The following SLC8A2 variants were observed in gnomAD, a reference collection of about 807,000 sequenced individuals.
SLC8A2 encodes the protein solute carrier family 8 member A2, also known as sodium/calcium exchanger 2.
A neutral mutation model predicts 70.2 loss-of-function variants in SLC8A2; 14 were observed. That is an observed-to-expected ratio of 0.20 (90% CI 0.13 to 0.31). The LOEUF is 0.31. Among genes scored for constraint, SLC8A2 ranks in the 10% least tolerant of loss-of-function variants. The probability of loss-of-function intolerance (pLI) is 1.00; values close to 1 mark genes in which losing one functional copy is unlikely to be tolerated. For missense variants in SLC8A2, 779 were observed against 1,320.1 expected (o/e 0.59, Z 6.35); for synonymous variants, 575 against 594.3 (o/e 0.97, Z 0.47).
At chr19:47,459,098 T>G (rs1967355810) in intron 2 of SLC8A2, among the ~76,000 whole-genome samples, 1 of 151,300 alleles carries the variant, frequency 6.6e-6, no homozygotes, top group African/African-American at 2.4e-5. Context: ...CCTCTGCCTC[T>G]CCCCATCTCT....
chr19:47,441,469 C>CA, intron 4 of SLC8A2, 29 bp from the exon 5 acceptor site: 1 of 1,413,702 alleles, frequency 7.1e-7, no homozygotes, highest in African/African-American at 1.4e-5. Flanking sequence ...GGAGGCAGAA[C>CA]ACTCAGTGTA....
intron 1 of SLC8A2, among the ~76,000 whole-genome samples, chr19:47,470,689 G>A (rs1416848408): frequency 1.3e-5 from 2 of 152,238 alleles, no homozygotes; most frequent in African/African-American, 2.4e-5. Flanking sequence ...ATGGAAGTGA[G>A]ACGGCAGGAA....
chr19:47,452,437 AGAGAGAGAGTGTGT>A lies in SLC8A2; in HGVS notation c.1341-4220_1341-4207del, dbSNP rs1242670799. Among the ~76,000 whole-genome samples the A allele has an allele frequency of 1.9e-3, 165 of 87,234 alleles. 1 individual carries two copies. Among genetic ancestry groups the A allele is most frequent in the East Asian group, 6.3e-3 (19 of 3,040 alleles). 57.2% of individuals were successfully genotyped at this position (87,234 alleles called of 152,430 possible). On this transcript the variant is annotated intron_variant, in intron 3 of 9. Coordinates refer to ENST00000236877, the MANE Select transcript of SLC8A2 (RefSeq NM_015063.3). The stretch of plus-strand genomic sequence containing the variant: ...GAGAGAGAGAGAGAGAGAGAGAGAG[AGAGAGAGAGTGTGT>A]GTGTGTGTGTGTGTGTGTGTGTGTG...
intron 3 of SLC8A2, among the ~76,000 whole-genome samples, chr19:47,451,577 G>T (rs1412952252): frequency 1.3e-5 from 2 of 152,338 alleles, no homozygotes; most frequent in East Asian, 3.9e-4. Flanking sequence ...CCAAAGTGCT[G>T]GGATTGCAGG....
chr19:47,460,188 T>C (rs1028760060), intron 2 of SLC8A2, among the ~76,000 whole-genome samples: 1 of 152,196 alleles, frequency 6.6e-6, no homozygotes, highest in Admixed American at 6.5e-5. Context: ...GCTGTGTCTC[T>C]AACAGAGACA....
chr19:47,437,403 T>A, intron 8 of SLC8A2, 59 bp downstream of exon 8: 1 of 1,201,762 alleles, frequency 8.3e-7, no homozygotes, highest in Non-Finnish European at 1.2e-6. Flanking sequence ...TTTCTCCCCC[T>A]TTCCCTGTGT....
chr19:47,456,758 C>T (rs896896628), intron 3 of SLC8A2, among the ~76,000 whole-genome samples, 172 bp downstream of exon 3: 17 of 152,196 alleles, frequency 1.1e-4, no homozygotes, highest in African/African-American at 3.1e-4. Context: ...GTGTGCCCCA[C>T]GTCTAGAGCA....
rs374939563 is a variant in SLC8A2 at position 47,437,801 on chromosome 19, G to A, written c.2010+48C>T. ...CCCCGCTTTCCGGACCCTCCCCAAG[G>A]AAATGAACCAGGCTGGACTCCAGGA... is the stretch of plus-strand genomic sequence containing the variant. On this transcript the variant is annotated intron_variant, in intron 7 of 9. Transcript: ENST00000236877. The A allele has an allele frequency of 7.4e-6, 12 of 1,611,442 alleles. No individual in the cohort carries two copies. The East Asian group carries it at 1.1e-4, about 15-fold the overall frequency.
chr19:47,458,399 T>G lies in SLC8A2; in HGVS notation c.676-805A>C, dbSNP rs138029621. 4.2e-4 allele frequency among the ~76,000 whole-genome samples: 61 copies of G among 146,774 alleles called. No individual in the cohort carries two copies. The South Asian group carries it at 4.7e-3, about 11-fold the overall frequency. Reference sequence around the variant, plus strand: ...CCCCACCTCTTTCTGTCTCTCTTCATGTCTGCCTTTCCCCATCTCTCTCCC... The same window carrying G: ...CCCCACCTCTTTCTGTCTCTCTTCAGGTCTGCCTTTCCCCATCTCTCTCCC... On this transcript the variant is annotated intron_variant, in intron 2 of 9. Transcript: ENST00000236877.
At position 47,448,131 on chromosome 19, in the gene SLC8A2, G is replaced by A; in HGVS notation, c.1441C>T (p.Arg481Trp). Residue 481 changes from arginine to tryptophan, a missense_variant, in exon 4 of 10, where the codon CGG (arginine) becomes TGG (tryptophan). Arg to Trp is a moderately radical substitution (Grantham distance 101, BLOSUM62 -3). Around this residue, in one of 6 missense-constraint regions of SLC8A2, gnomAD observed 247 missense variants for 362.8 expected, o/e 0.68. Coordinates refer to ENST00000236877, the MANE Select transcript of SLC8A2 (RefSeq NM_015063.3). The surrounding 1 kb of genome is among the most constrained non-coding windows in gnomAD (Gnocchi z 4.8). ...TCGCCCACGCGCAGGTTCAGCAGCC[G>A]CACGAAGAAATGCTCGTCCTCCTCG... ...IFEEDEHFFV[R>W]LLNLRVGDAQ... 6.2e-7 allele frequency: 1 copy of A among 1,612,656 alleles called. No homozygotes were observed. The highest frequency in any genetic ancestry group is 8.5e-7 in the Non-Finnish European group (1 of 1,179,660).
chr19:47,447,245 C>T lies in SLC8A2; in HGVS notation c.1763+564G>A, dbSNP rs1466716551. Reference sequence around the variant, plus strand: ...TCCAAACCCAGACCCCACCTATCGCCCTGGACCCGCCCCCTCTCCACAGCC... The same window carrying T: ...TCCAAACCCAGACCCCACCTATCGCTCTGGACCCGCCCCCTCTCCACAGCC... On this transcript the variant is annotated intron_variant, in intron 4 of 9. Coordinates refer to ENST00000236877, the MANE Select transcript of SLC8A2 (RefSeq NM_015063.3). The surrounding 1 kb of genome is among the most constrained non-coding windows in gnomAD (Gnocchi z 5.1). 6.6e-6 allele frequency among the ~76,000 whole-genome samples: 1 copy of T among 151,900 alleles called. No homozygotes were observed. The highest frequency in any genetic ancestry group is 1.5e-5 in the Non-Finnish European group (1 of 67,986).
intron 2 of SLC8A2, among the ~76,000 whole-genome samples, chr19:47,458,966 T>C (rs916425178): frequency 1.3e-5 from 2 of 149,708 alleles, no homozygotes; most frequent in Admixed American, 6.7e-5. Flanking sequence ...CTGTCTCTGC[T>C]CATCTCTGCC....
Position 47,447,825 on chromosome 19 carries a change from C to T in SLC8A2, c.1747G>A (p.Gly583Ser). Residue 583 changes from glycine to serine, a missense_variant, in exon 4 of 10, where the codon GGC becomes AGC. Gly to Ser is a moderately conservative substitution (Grantham distance 56, BLOSUM62 0). This residue lies in a region of SLC8A2 where 247 missense variants were observed against 362.8 expected (regional missense o/e 0.68). Transcript: ENST00000236877. This position sits in a 1 kb window ranked among gnomAD's most constrained non-coding sequence, Gnocchi z 5.1. Reference sequence around the variant, plus strand: ...CGTGCTCACATGGTCTCGTCGTCGCCAAACTCCAGCTCTCCGCACGCGTCC... The same window carrying T: ...CGTGCTCACATGGTCTCGTCGTCGCTAAACTCCAGCTCTCCGCACGCGTCC... ...YEDACGELEF[G>S]DDETMKTLQV... 6.3e-7 allele frequency: 1 copy of T among 1,591,916 alleles called. No individual in the cohort carries two copies. Among genetic ancestry groups the T allele is most frequent in the East Asian group, 2.3e-5 (1 of 43,724 alleles).
chr19:47,441,699 T>C (rs1967101824), intron 4 of SLC8A2, among the ~76,000 whole-genome samples: 1 of 152,222 alleles, frequency 6.6e-6, no homozygotes, highest in East Asian at 1.9e-4. Context: ...CTCATGCCTC[T>C]TATCCCAGAA....
At chr19:47,452,771 G>A (rs1415079719) in intron 3 of SLC8A2, among the ~76,000 whole-genome samples, 1 of 152,176 alleles carries the variant, frequency 6.6e-6, no homozygotes, top group African/African-American at 2.4e-5. Context: ...GGTAGCTCAT[G>A]CCTGTAATCC....
chr19:47,469,512 T>C (rs924434265), intron 1 of SLC8A2, among the ~76,000 whole-genome samples: 4 of 152,108 alleles, frequency 2.6e-5, no homozygotes, highest in Non-Finnish European at 4.4e-5. Context: ...CGGGTTCTCA[T>C]GTCCACCCTC....
rs1007654211 is a variant in SLC8A2, at chr19:47,447,769, G to A, written c.1763+40C>T. On this transcript the variant is annotated intron_variant, in intron 4 of 9. Coordinates refer to ENST00000236877, the MANE Select transcript of SLC8A2 (RefSeq NM_015063.3). The surrounding 1 kb of genome is among the most constrained non-coding windows in gnomAD (Gnocchi z 5.1). Reference sequence around the variant, plus strand: ...AGCCACATCAGGCCTCGCCCATTCCGAAGCCCCGCCCCTCTCCGGGCCGCC... The same window carrying A: ...AGCCACATCAGGCCTCGCCCATTCCAAAGCCCCGCCCCTCTCCGGGCCGCC... 1 of 1,529,278 alleles carries A rather than the reference G, an allele frequency of 6.5e-7. No individual in the cohort carries two copies. The highest frequency in any genetic ancestry group is 8.7e-7 in the Non-Finnish European group (1 of 1,150,088). The allele number at this position is 1,529,278 out of a possible 1,614,324, so 94.7% of individuals were successfully genotyped here.
intron 8 of SLC8A2, among the ~76,000 whole-genome samples, chr19:47,435,800 G>A (rs1011428617): frequency 5.3e-5 from 8 of 151,844 alleles, no homozygotes; most frequent in Admixed American, 4.6e-4. Context: ...CACCTGCCTC[G>A]GCCTCCCAAA....
chr19:47,468,082 C>T lies in SLC8A2; in HGVS notation c.-16-1663G>A, dbSNP rs1458347533. On this transcript the variant is annotated intron_variant, in intron 1 of 9. Coordinates refer to ENST00000236877, the MANE Select transcript of SLC8A2 (RefSeq NM_015063.3). The surrounding 1 kb of genome is among the most constrained non-coding windows in gnomAD (Gnocchi z 5.1). ...CCCTACTGTTCAGAACCCCCGCCAG[C>T]TCCCATCTCACTCACAGCACCAGCG... 6.6e-6 allele frequency among the ~76,000 whole-genome samples: 1 copy of T among 151,728 alleles called. No individual in the cohort carries two copies. The highest frequency in any genetic ancestry group is 2.4e-5 in the African/African-American group (1 of 41,272).
Sources: allele counts gnomAD v4.1 joint callset (sites outside exome capture counted in the v4.1 genomes callset), GRCh38; gene constraint gnomAD v4.1.1; regional missense constraint gnomAD v4.1.1; non-coding constraint Gnocchi (gnomAD v3.1); transcripts MANE v1.5; gene names NCBI Gene and HGNC (gene_info 2026-07-23, HGNC 2026-07-21).